LRMDA: variants seen among roughly 807,000 people sequenced by gnomAD.
The protein encoded by LRMDA is leucine rich melanocyte differentiation associated.
A neutral mutation model predicts 29.8 loss-of-function variants in LRMDA; 18 were observed. The ratio of observed to expected loss-of-function variants is 0.60; its 90% CI spans 0.42 to 0.90. LRMDA has a LOEUF of 0.90. Ranked by LOEUF, LRMDA falls within the 40% of genes least tolerant of loss-of-function variation. The pLI, the probability that LRMDA is intolerant of heterozygous loss-of-function variation, is 0.00. For missense variants in LRMDA, 273 were observed against 273.9 expected (o/e 1.00, Z 0.02); for synonymous variants, 125 against 109.4 (o/e 1.14, Z -0.89).
intron 5 of LRMDA, among the ~76,000 whole-genome samples, chr10:76,271,998 T>G (rs75519772): frequency 1.3e-3 from 197 of 152,280 alleles, no homozygotes; most frequent in African/African-American, 4.4e-3. Context: ...TAAGAAAAGC[T>G]AAAATGTGTA....
chr10:76,511,482 TCCAAGGAAA>T (rs1483117485), intron 6 of LRMDA, among the ~76,000 whole-genome samples: 1 of 151,988 alleles, frequency 6.6e-6, no homozygotes, highest in Non-Finnish European at 1.5e-5. Flanking sequence ...ATTAGAAAAT[TCCAAGGAAA>T]CCACTAAAAA....
intron 6 of LRMDA, among the ~76,000 whole-genome samples, chr10:76,460,795 G>A (rs1039128799): frequency 1.3e-5 from 2 of 152,100 alleles, no homozygotes; most frequent in Non-Finnish European, 2.9e-5. Context: ...TCTATTTGTG[G>A]ACTCTAAGAT....
intron 2 of LRMDA, among the ~76,000 whole-genome samples, chr10:75,918,699 G>A (rs1292237814): frequency 6.6e-6 from 1 of 152,208 alleles, no homozygotes; most frequent in Non-Finnish European, 1.5e-5. Context: ...CTTGAACTGA[G>A]CCATAAGCAA....
intron 5 of LRMDA, among the ~76,000 whole-genome samples, chr10:76,176,667 C>T (rs1390081301): frequency 6.6e-6 from 1 of 152,126 alleles, no homozygotes; most frequent in Admixed American, 6.5e-5. Flanking sequence ...GTGGCAGGCA[C>T]CTGTAATCCC....
rs1849977940 is a variant in LRMDA, at chr10:76,130,816, T to C, written c.516+72033T>C. ...CTGGGATTACAGGTGCCCACCACCA[T>C]GCCCAGCTAATGTTTTGTATTTTTT... On this transcript the variant is annotated intron_variant, in intron 5 of 6. Coordinates refer to ENST00000611255, the MANE Select transcript of LRMDA (RefSeq NM_001305581.2). Among the ~76,000 whole-genome samples the C allele has an allele frequency of 1.3e-5, 2 of 152,124 alleles. 1 individual carries two copies. The highest frequency in any genetic ancestry group is 4.1e-4 in the South Asian group (2 of 4,834).
chr10:76,248,584 A>G (rs1852418264), intron 5 of LRMDA, among the ~76,000 whole-genome samples: 2 of 152,246 alleles, frequency 1.3e-5, no homozygotes, highest in African/African-American at 4.8e-5. Flanking sequence ...AGTAGATTGA[A>G]TACCGGAGGG....
intron 6 of LRMDA, among the ~76,000 whole-genome samples, chr10:76,474,195 C>T (rs1317374335): frequency 6.6e-6 from 1 of 151,650 alleles, no homozygotes; most frequent in Non-Finnish European, 1.5e-5. Flanking sequence ...GTGCCATATA[C>T]ACCTCACACC....
chr10:75,982,823 C>G (rs151294295), intron 2 of LRMDA, among the ~76,000 whole-genome samples: 106 of 152,304 alleles, frequency 7.0e-4, no homozygotes, highest in African/African-American at 2.3e-3. Flanking sequence ...GAGCTTAATT[C>G]TAGCAGCTTC....
intron 5 of LRMDA, among the ~76,000 whole-genome samples, chr10:76,141,073 G>T (rs1365521391): frequency 6.6e-6 from 1 of 151,886 alleles, no homozygotes; most frequent in Non-Finnish European, 1.5e-5. Flanking sequence ...ATTTTGTATG[G>T]CTCCCATGCA....
chr10:76,342,641 A>G (rs183824301), intron 6 of LRMDA, among the ~76,000 whole-genome samples: 10 of 152,124 alleles, frequency 6.6e-5, no homozygotes, highest in Admixed American at 2.6e-4. Flanking sequence ...AAGAAAATGC[A>G]AATATACAAA....
intron 6 of LRMDA, among the ~76,000 whole-genome samples, chr10:76,507,827 G>C (rs1842974317): frequency 6.6e-6 from 1 of 151,930 alleles, no homozygotes; most frequent in African/African-American, 2.4e-5. Flanking sequence ...TTATTTCTGG[G>C]TTCTCTATTT....
chr10:75,687,349 G>C lies in LRMDA; in HGVS notation c.131+248855G>C, dbSNP rs564419463. Among the ~76,000 whole-genome samples the C allele has an allele frequency of 1.4e-4, 22 of 152,342 alleles. No homozygotes were observed. In the South Asian group the frequency reaches 4.6e-3, roughly 32 times the overall value. On this transcript the variant is annotated intron_variant, in intron 2 of 6. Transcript: ENST00000611255. Reference sequence around the variant, plus strand: ...CCAGTGAATACATGTATGATAAAAAGTGAAACAGCCTTATTGGTGATATGA... The same window carrying C: ...CCAGTGAATACATGTATGATAAAAACTGAAACAGCCTTATTGGTGATATGA...
At chr10:76,332,458 G>T (rs189214442) in intron 6 of LRMDA, among the ~76,000 whole-genome samples, 1 of 152,150 alleles carries the variant, frequency 6.6e-6, no homozygotes, top group Non-Finnish European at 1.5e-5. Context: ...CTACGAATCT[G>T]GTTTTTCTCT....
chr10:75,460,313 C>T (rs1844570261), intron 2 of LRMDA, among the ~76,000 whole-genome samples: 1 of 152,164 alleles, frequency 6.6e-6, no homozygotes, highest in African/African-American at 2.4e-5. Flanking sequence ...GGAGTACATA[C>T]TGCCTTTTGA....
At chr10:75,731,699 T>C (rs1338368765) in intron 2 of LRMDA, among the ~76,000 whole-genome samples, 1 of 152,254 alleles carries the variant, frequency 6.6e-6, no homozygotes, top group African/African-American at 2.4e-5. Context: ...AAGTAATTGC[T>C]GATTGACACG....
chr10:75,505,486 G>A (rs1241040964), intron 2 of LRMDA, among the ~76,000 whole-genome samples: 7 of 152,154 alleles, frequency 4.6e-5, no homozygotes, highest in Admixed American at 1.3e-4. Flanking sequence ...AACAGAAAAC[G>A]TGGAACAGGA....
intron 2 of LRMDA, among the ~76,000 whole-genome samples, chr10:75,903,315 C>T (rs894508916): frequency 1.3e-5 from 2 of 152,150 alleles, no homozygotes; most frequent in Non-Finnish European, 2.9e-5. Context: ...TCCTGGGTGT[C>T]GGGAAGCACA....
At chr10:75,750,229 C>T (rs916322658) in intron 2 of LRMDA, among the ~76,000 whole-genome samples, 83 of 151,532 alleles carry the variant, frequency 5.5e-4, no homozygotes, top group Middle Eastern at 3.6e-3. Flanking sequence ...CCCCACCTCC[C>T]GGACAGGGCG....
chr10:75,488,074 C>T (rs971710926), intron 2 of LRMDA, among the ~76,000 whole-genome samples: 9 of 152,136 alleles, frequency 5.9e-5, no homozygotes, highest in African/African-American at 2.2e-4. Flanking sequence ...AGGGAGAAAC[C>T]TGACTTATGG....
Sources: allele counts gnomAD v4.1 joint callset (sites outside exome capture counted in the v4.1 genomes callset), GRCh38; gene constraint gnomAD v4.1.1; transcripts MANE v1.5; gene names NCBI Gene and HGNC (gene_info 2026-07-23, HGNC 2026-07-21).